The following DOCK4 variants were observed in gnomAD, a reference collection of about 807,000 sequenced individuals.
DOCK4 encodes the protein dedicator of cytokinesis protein 4.
DOCK4 carries 97 observed loss-of-function variants against 268.1 expected under a neutral mutation model. That is an observed-to-expected ratio of 0.36 (90% CI 0.31 to 0.43). DOCK4 has a LOEUF of 0.43. DOCK4 is among the 20% of genes least tolerant of loss of function. DOCK4 has a pLI of 1.00. For missense variants in DOCK4, 2,145 were observed against 2,455.7 expected (o/e 0.87, Z 2.67); for synonymous variants, 954 against 887.2 (o/e 1.08, Z -1.34).
At chr7:112,161,553 A>C (rs1316226222) in intron 1 of DOCK4, among the ~76,000 whole-genome samples, 1 of 152,194 alleles carries the variant, frequency 6.6e-6, no homozygotes, top group Non-Finnish European at 1.5e-5. Context: ...TGAAACACAA[A>C]AGCAGCATAT....
At chr7:111,749,132 C>T (rs989666254) in intron 42 of DOCK4, among the ~76,000 whole-genome samples, 4 of 152,078 alleles carry the variant, frequency 2.6e-5, no homozygotes, top group Admixed American at 6.6e-5. Context: ...AAGAGGTGCA[C>T]AGGAGGCCTG....
intron 8 of DOCK4, among the ~76,000 whole-genome samples, chr7:111,968,483 A>C (rs1205240445): frequency 1.0e-5 from 1 of 98,288 alleles, no homozygotes; most frequent in East Asian, 4.1e-4. Flanking sequence ...TGGCCATCAG[A>C]GAAATGCAAA....
At chr7:112,019,202 G>T (rs1249145256) in intron 1 of DOCK4, among the ~76,000 whole-genome samples, 4 of 152,146 alleles carry the variant, frequency 2.6e-5, no homozygotes, top group Non-Finnish European at 5.9e-5. Flanking sequence ...ATTAAATTGA[G>T]GATGAGACAT....
intron 6 of DOCK4, among the ~76,000 whole-genome samples, chr7:111,985,475 T>C (rs1187726316): frequency 6.6e-6 from 1 of 152,162 alleles, no homozygotes; most frequent in Admixed American, 6.6e-5. Context: ...CTTTCGTATT[T>C]TAAAAAAATC....
At chr7:112,109,798 G>A (rs1811473171) in intron 1 of DOCK4, among the ~76,000 whole-genome samples, 1 of 146,218 alleles carries the variant, frequency 6.8e-6, no homozygotes, top group Non-Finnish European at 1.5e-5. Context: ...AGGCTGGAGT[G>A]CAGTGGCGGG....
chr7:111,934,548 T>C (rs1365512892), intron 12 of DOCK4, among the ~76,000 whole-genome samples: 1 of 143,118 alleles, frequency 7.0e-6, no homozygotes, highest in Non-Finnish European at 1.5e-5. Flanking sequence ...TTTTTTTTTT[T>C]AGACAGTGTC....
chr7:111,904,997 T>C (rs1341439170), intron 13 of DOCK4, among the ~76,000 whole-genome samples: 1 of 152,202 alleles, frequency 6.6e-6, no homozygotes, highest in Non-Finnish European at 1.5e-5. Flanking sequence ...TAAAACCAGA[T>C]TTCTTTGAAA....
chr7:111,961,044 G>A (rs1001608543), intron 8 of DOCK4, among the ~76,000 whole-genome samples: 6 of 152,002 alleles, frequency 3.9e-5, no homozygotes, highest in African/African-American at 9.7e-5. Flanking sequence ...ATGCATGCAC[G>A]GGGGTTGGAT....
Position 111,728,104 on chromosome 7 carries a change from G to A in DOCK4, c.*170C>T, listed in dbSNP as rs2133339473. On this transcript the variant is annotated 3_prime_UTR_variant, in exon 53 of 53. Transcript: ENST00000428084. Reference sequence around the variant, plus strand: ...ACTTCATTTAACATCTGGCGTTTTAGATCAGCAACTTTTAATATTGTGCAA... The same window carrying A: ...ACTTCATTTAACATCTGGCGTTTTAAATCAGCAACTTTTAATATTGTGCAA... The A allele has an allele frequency of 2.0e-6, 1 of 490,546 alleles. No individual in the cohort carries two copies. Among genetic ancestry groups the A allele is most frequent in the South Asian group, 1.1e-4 (1 of 9,432 alleles). The allele number at this position is 490,546 out of a possible 1,614,324, so 30.4% of individuals were successfully genotyped here. A position where few individuals can be genotyped will look rare whatever the true frequency, so the allele number is the denominator to read the frequency against.
chr7:111,972,096 T>G (rs1212413829), intron 8 of DOCK4: 1 of 152,824 alleles, frequency 6.5e-6, no homozygotes, highest in Non-Finnish European at 1.5e-5. Flanking sequence ...CATAGACAAT[T>G]TCTGAGGCCC....
intron 50 of DOCK4, among the ~76,000 whole-genome samples, chr7:111,735,505 G>A (rs1795413721): frequency 6.6e-6 from 1 of 152,122 alleles, no homozygotes; most frequent in African/African-American, 2.4e-5. Flanking sequence ...TTTAAAACTT[G>A]GCTTTTAGTA....
chr7:111,896,314 C>T (rs1808741625), intron 15 of DOCK4, among the ~76,000 whole-genome samples: 1 of 152,130 alleles, frequency 6.6e-6, no homozygotes, highest in Non-Finnish European at 1.5e-5. Flanking sequence ...GAGCTCACTA[C>T]TCTGGAAGCC....
chr7:111,750,075 C>A (rs1796532556), intron 42 of DOCK4, among the ~76,000 whole-genome samples: 1 of 152,200 alleles, frequency 6.6e-6, no homozygotes, highest in African/African-American at 2.4e-5. Flanking sequence ...TTGTTCACCA[C>A]TAAAATGAAT....
At chr7:111,746,814 CT>C (rs59197701) in intron 43 of DOCK4, among the ~76,000 whole-genome samples, 2,691 of 110,774 alleles carry the variant, frequency 0.024, 116 homozygotes, top group African/African-American at 0.09. Context: ...TCGGTCTTAT[CT>C]TTTTTTTTTT....
At chr7:112,197,582 T>C (rs1820563791) in intron 1 of DOCK4, among the ~76,000 whole-genome samples, 3 of 152,264 alleles carry the variant, frequency 2.0e-5, no homozygotes, top group South Asian at 2.1e-4. Flanking sequence ...GACTGTAAAA[T>C]GTAGTTTACG....
intron 39 of DOCK4, among the ~76,000 whole-genome samples, chr7:111,762,762 C>CTTTTTT (rs869052136): frequency 0.015 from 926 of 62,984 alleles, 164 homozygotes; most frequent in African/African-American, 0.036. Context: ...GTTTTGTTTT[C>CTTTTTT]TTTTTTTTTT....
intron 1 of DOCK4, among the ~76,000 whole-genome samples, chr7:112,096,968 A>G (rs562642207): frequency 6.6e-6 from 1 of 152,208 alleles, no homozygotes; most frequent in Non-Finnish European, 1.5e-5. Flanking sequence ...TAGAAAGCAG[A>G]GCCTTAATAC....
intron 1 of DOCK4, among the ~76,000 whole-genome samples, chr7:112,089,263 T>C (rs898981678): frequency 1.3e-5 from 2 of 152,162 alleles, no homozygotes; most frequent in African/African-American, 4.8e-5. Context: ...TTTCCTCCTT[T>C]CTAGGGCTTC....
At chr7:112,140,296 C>T (rs993050769) in intron 1 of DOCK4, among the ~76,000 whole-genome samples, 2 of 151,818 alleles carry the variant, frequency 1.3e-5, no homozygotes, top group African/African-American at 4.8e-5. Context: ...CCAACCCCCA[C>T]CTGCAGGACC....
Sources: allele counts gnomAD v4.1 joint callset (sites outside exome capture counted in the v4.1 genomes callset), GRCh38; gene constraint gnomAD v4.1.1; transcripts MANE v1.5; gene names NCBI Gene and HGNC (gene_info 2026-07-23, HGNC 2026-07-21).